The following RARS2 variants were observed in gnomAD, a reference collection of about 807,000 sequenced individuals.
RARS2 encodes the protein arginyl-tRNA synthetase 2, mitochondrial.
In RARS2, 67 loss-of-function variants were observed where a neutral mutation model predicts 88.5. That is an observed-to-expected ratio of 0.76 (90% CI 0.62 to 0.93). The LOEUF is 0.93. Ranked by LOEUF, RARS2 falls within the 40% of genes least tolerant of loss-of-function variation. The pLI is 0.00. For synonymous variants in RARS2, 239 were observed against 230.3 expected (o/e 1.04, Z -0.34); for missense variants, 664 against 684.2 (o/e 0.97, Z 0.33).
At chr6:87,530,754 G>A in intron 9 of RARS2, 30 bp downstream of exon 9, 1 of 1,611,618 alleles carries the variant, frequency 6.2e-7, no homozygotes, top group Non-Finnish European at 8.5e-7. Context: ...ACTGCATCAT[G>A]GGAAAGCAGA....
chr6:87,532,223 TC>T (rs1314468275), intron 8 of RARS2, among the ~76,000 whole-genome samples: 1 of 151,604 alleles, frequency 6.6e-6, no homozygotes, highest in African/African-American at 2.4e-5. Flanking sequence ...CCTTTTTTTT[TC>T]CCCCTAGAAA....
chr6:87,567,794 C>T (rs1052608781), intron 2 of RARS2, among the ~76,000 whole-genome samples: 33 of 152,238 alleles, frequency 2.2e-4, no homozygotes, highest in African/African-American at 6.7e-4. Context: ...TTTTTTGAGA[C>T]GGAGTCTCGC....
At chr6:87,551,626 CAAAAA>C (rs71018036) in intron 5 of RARS2, among the ~76,000 whole-genome samples, 3 of 65,150 alleles carry the variant, frequency 4.6e-5, no homozygotes, top group African/African-American at 1.9e-4. Context: ...TCCGTCTCAA[CAAAAA>C]AAAAAAAAAA....
chr6:87,560,627 G>C (rs1395398247), intron 4 of RARS2, among the ~76,000 whole-genome samples: 1 of 152,188 alleles, frequency 6.6e-6, no homozygotes, highest in Non-Finnish European at 1.5e-5. Context: ...GGCAGGGCAC[G>C]GTGGCTCACG....
chr6:87,562,409 A>G (rs1340526886), intron 4 of RARS2, among the ~76,000 whole-genome samples: 2 of 152,248 alleles, frequency 1.3e-5, no homozygotes, highest in Non-Finnish European at 2.9e-5. Flanking sequence ...GTATTGTCTT[A>G]TGGGACCATC....
chr6:87,521,748 C>T (rs531939856), intron 11 of RARS2, among the ~76,000 whole-genome samples: 1 of 151,932 alleles, frequency 6.6e-6, no homozygotes, highest in East Asian at 1.9e-4. Context: ...AAAGCAAAAC[C>T]TAAAATAAAT....
chr6:87,535,399 C>T (rs1305369575), intron 8 of RARS2, among the ~76,000 whole-genome samples: 6 of 152,080 alleles, frequency 3.9e-5, no homozygotes, highest in Non-Finnish European at 8.8e-5. Context: ...AGCAAGTAAA[C>T]ATTATCACTC....
At chr6:87,545,486 A>G (rs7770160) in intron 7 of RARS2, 130 bp downstream of exon 7, 2,032 of 169,694 alleles carry the variant, frequency 0.012, 6 homozygotes, top group Middle Eastern at 0.061. Context: ...GCCATTAGGG[A>G]AAAAAAAAAA....
At chr6:87,554,173 A>G (rs188663152) in intron 5 of RARS2, among the ~76,000 whole-genome samples, 5 of 152,366 alleles carry the variant, frequency 3.3e-5, no homozygotes, top group African/African-American at 9.6e-5. Context: ...AAAACAGTCC[A>G]TCAAGACTGT....
At chr6:87,576,560 G>A (rs1771639951) in intron 1 of RARS2, among the ~76,000 whole-genome samples, 1 of 151,402 alleles carries the variant, frequency 6.6e-6, no homozygotes, top group African/African-American at 2.4e-5. Flanking sequence ...ACAGGCGTGA[G>A]CCACCGCGCC....
At chr6:87,578,171 T>C (rs1772214930) in intron 1 of RARS2, among the ~76,000 whole-genome samples, 1 of 150,612 alleles carries the variant, frequency 6.6e-6, no homozygotes, top group African/African-American at 2.5e-5. Flanking sequence ...ATTTCAGTAA[T>C]GAGCACATGA....
chr6:87,553,610 G>A (rs559853458), intron 5 of RARS2, among the ~76,000 whole-genome samples: 3 of 152,244 alleles, frequency 2.0e-5, no homozygotes, highest in South Asian at 2.1e-4. Context: ...AAAAACAAGC[G>A]GCAAACTGGA....
Position 87,572,866 on chromosome 6 carries a change from A to G in RARS2, c.37-3276T>C, listed in dbSNP as rs572472949. 1.7e-3 allele frequency among the ~76,000 whole-genome samples: 256 copies of G among 152,266 alleles called. 2 individuals carry two copies. Among genetic ancestry groups the G allele is most frequent in the African/African-American group, 5.9e-3 (246 of 41,534 alleles). The stretch of plus-strand genomic sequence containing the variant: ...GGTACTTAACGCTTCTTGGCAATCA[A>G]GGTACAAAGGGAATCTATCTACACA... On this transcript the variant is annotated intron_variant, in intron 1 of 19. Transcript: ENST00000369536.
intron 1 of RARS2, among the ~76,000 whole-genome samples, chr6:87,573,012 T>C (rs1770273810): frequency 6.6e-6 from 1 of 152,120 alleles, no homozygotes; most frequent in South Asian, 2.1e-4. Flanking sequence ...TATGAAGATA[T>C]AAATAACAAG....
rs35014020 is a variant in RARS2, at chr6:87,579,715, GTTTTTTTTTTTTTTTTTT to G, written c.37-10143_37-10126del. Among the ~76,000 whole-genome samples the G allele has an allele frequency of 3.1e-4, 19 of 60,472 alleles. 1 individual carries two copies. The South Asian group carries it at 9.8e-3, about 31-fold the overall frequency. 39.7% of individuals were successfully genotyped at this position (60,472 alleles called of 152,430 possible). A position where few individuals can be genotyped will look rare whatever the true frequency, so the allele number is the denominator to read the frequency against. ...TTGAGAGCCACCGAGCATAGAGCATGTTTTTTTTTTTTTTTTTTTTTTTTTTTTTTGAGACAGAGTCTC... is the reference window on the plus strand; with the variant it reads ...TTGAGAGCCACCGAGCATAGAGCATGTTTTTTTTTTTTGAGACAGAGTCTC... On this transcript the variant is annotated intron_variant, in intron 1 of 19. Transcript: ENST00000369536.
intron 6 of RARS2, among the ~76,000 whole-genome samples, chr6:87,547,296 C>T (rs1782878848): frequency 6.6e-6 from 1 of 152,154 alleles, no homozygotes; most frequent in South Asian, 2.1e-4. Flanking sequence ...TTCATCAAGT[C>T]CTGTCATTTC....
At chr6:87,519,765 T>TATA (rs1773241734) in intron 13 of RARS2, 58 bp from the exon 14 acceptor site, 1 of 1,596,404 alleles carries the variant, frequency 6.3e-7, no homozygotes, top group Non-Finnish European at 8.6e-7. Flanking sequence ...GCTGAAAGCA[T>TATA]ATAATACCTT....
chr6:87,587,809 G>A (rs767897305), intron 1 of RARS2, among the ~76,000 whole-genome samples: 7 of 151,888 alleles, frequency 4.6e-5, no homozygotes, highest in Non-Finnish European at 7.4e-5. Context: ...GACTCACTTT[G>A]TCCCCCAGGC....
chr6:87,564,326 T>C, intron 2 of RARS2, 94 bp from the exon 3 acceptor site: 8 of 897,926 alleles, frequency 8.9e-6, no homozygotes, highest in Non-Finnish European at 1.4e-5. Flanking sequence ...CATTGAGACA[T>C]ACCTTTACCA....
Sources: allele counts gnomAD v4.1 joint callset (sites outside exome capture counted in the v4.1 genomes callset), GRCh38; gene constraint gnomAD v4.1.1; transcripts MANE v1.5; gene names NCBI Gene and HGNC (gene_info 2026-07-23, HGNC 2026-07-21).